The following PDE8B variants were observed in gnomAD, a reference collection of about 807,000 sequenced individuals.
PDE8B encodes phosphodiesterase 8B.
PDE8B carries 26 observed loss-of-function variants against 101.3 expected under a neutral mutation model. The observed-to-expected ratio is 0.26, with a 90% CI of 0.19 to 0.36. PDE8B has a LOEUF of 0.36. Ranked by LOEUF, PDE8B falls within the 10% of genes least tolerant of loss-of-function variation. The pLI, the probability that PDE8B is intolerant of heterozygous loss-of-function variation, is 1.00. For missense variants in PDE8B, 810 were observed against 1,163.1 expected (o/e 0.70, Z 4.42); for synonymous variants, 424 against 429.3 (o/e 0.99, Z 0.15).
At chr5:77,421,514 C>T (rs1796626629) in intron 19 of PDE8B, among the ~76,000 whole-genome samples, 1 of 152,058 alleles carries the variant, frequency 6.6e-6, no homozygotes, top group Non-Finnish European at 1.5e-5. Flanking sequence ...AACAAAACTG[C>T]TGTAGCAGTT....
At chr5:77,275,324 T>C (rs1039451444) in intron 1 of PDE8B, among the ~76,000 whole-genome samples, 5 of 152,376 alleles carry the variant, frequency 3.3e-5, no homozygotes, top group African/African-American at 1.2e-4. Flanking sequence ...TTGTTACTCA[T>C]AGTGACAAAT....
At chr5:77,258,706 C>T (rs937756935) in intron 1 of PDE8B, among the ~76,000 whole-genome samples, 2 of 152,140 alleles carry the variant, frequency 1.3e-5, no homozygotes, top group Non-Finnish European at 2.9e-5. Context: ...GTCTTATTTT[C>T]AGTTATTAAA....
At chr5:77,399,597 A>T (rs1791815738) in intron 10 of PDE8B, among the ~76,000 whole-genome samples, 1 of 152,224 alleles carries the variant, frequency 6.6e-6, no homozygotes. Context: ...GAAATGCAGG[A>T]TCCCAAAGAA....
the PDE8B span, among the ~76,000 whole-genome samples, chr5:77,194,411 A>G: frequency 6.6e-6 from 1 of 152,236 alleles, no homozygotes; most frequent in Non-Finnish European, 1.5e-5. Flanking sequence ...GGTGAATCAC[A>G]TTGACTTTTT....
In PDE8B at chr5:77,351,172, A is replaced by G. The variant is rs373548789; in HGVS notation, c.1106+19A>G. On this transcript the variant is annotated intron_variant, in intron 9 of 21. Coordinates refer to ENST00000264917, the MANE Select transcript of PDE8B (RefSeq NM_003719.5). ...AAGGAGGGTGAGAGCAAACTGTTCA[A>G]CTCTTTTAGCTGAAGATAAAGACTC... is the stretch of plus-strand genomic sequence containing the variant. 24 of 1,574,094 alleles carry G rather than the reference A, an allele frequency of 1.5e-5. No homozygotes were observed. The highest frequency in any genetic ancestry group is 2.1e-5 in the Non-Finnish European group (24 of 1,143,860).
the PDE8B span, among the ~76,000 whole-genome samples, chr5:77,093,737 C>T: frequency 6.6e-6 from 1 of 152,090 alleles, no homozygotes; most frequent in Non-Finnish European, 1.5e-5. Flanking sequence ...ACTTCATTAT[C>T]AGATTTAGTG....
intron 10 of PDE8B, among the ~76,000 whole-genome samples, chr5:77,387,160 C>T (rs1443303902): frequency 1.3e-5 from 2 of 151,968 alleles, no homozygotes; most frequent in South Asian, 2.1e-4. Context: ...TTTATAGTGT[C>T]GATGGTCTTT....
intron 10 of PDE8B, among the ~76,000 whole-genome samples, chr5:77,358,229 A>G (rs1472765864): frequency 6.6e-6 from 1 of 152,212 alleles, no homozygotes; most frequent in African/African-American, 2.4e-5. Context: ...TAGTGATAAA[A>G]ACAAAATTTC....
At chr5:77,159,784 G>C in the PDE8B span, among the ~76,000 whole-genome samples, 1 of 152,166 alleles carries the variant, frequency 6.6e-6, no homozygotes, top group Non-Finnish European at 1.5e-5. Flanking sequence ...TCAGGATTTA[G>C]CCTGGAGCCT....
chr5:77,099,610 C>CT, the PDE8B span, among the ~76,000 whole-genome samples: 114 of 146,924 alleles, frequency 7.8e-4, 1 homozygote, highest in African/African-American at 1.1e-3. Context: ...CTTTTCTTTT[C>CT]TTTTTTTTTT....
intron 17 of PDE8B, among the ~76,000 whole-genome samples, chr5:77,416,997 C>G (rs1290512162): frequency 4.6e-5 from 7 of 152,062 alleles, no homozygotes; most frequent in African/African-American, 1.4e-4. Flanking sequence ...TGGAATTGCC[C>G]TCTTGCTGCT....
At chr5:77,245,355 T>G (rs1756637060) in intron 1 of PDE8B, among the ~76,000 whole-genome samples, 2 of 152,208 alleles carry the variant, frequency 1.3e-5, no homozygotes, top group South Asian at 4.1e-4. Flanking sequence ...AAGAGTACAT[T>G]GAAACCAAAT....
chr5:77,223,586 T>C (rs1300151892), intron 1 of PDE8B, among the ~76,000 whole-genome samples: 3 of 152,088 alleles, frequency 2.0e-5, no homozygotes, highest in East Asian at 1.9e-4. Context: ...AATTTGACAT[T>C]GTAACTTGAC....
At chr5:77,118,854 G>A in the PDE8B span, 1 of 152,872 alleles carries the variant, frequency 6.5e-6, no homozygotes, top group Non-Finnish European at 1.5e-5. Context: ...TGGGGATGAG[G>A]TTAGGGGTGG....
chr5:77,170,332 G>A, the PDE8B span, among the ~76,000 whole-genome samples: 59 of 152,254 alleles, frequency 3.9e-4, no homozygotes, highest in African/African-American at 1.4e-3. Context: ...AACAAGACTG[G>A]GTCCCTTCTC....
At chr5:77,161,970 T>C in the PDE8B span, among the ~76,000 whole-genome samples, 1 of 151,860 alleles carries the variant, frequency 6.6e-6, no homozygotes, top group Admixed American at 6.6e-5. Flanking sequence ...TTTTTTTCTT[T>C]TTTTTTTAGT....
At chr5:77,173,596 C>G in the PDE8B span, among the ~76,000 whole-genome samples, 37 of 151,620 alleles carry the variant, frequency 2.4e-4, no homozygotes, top group Non-Finnish European at 4.0e-4. Context: ...AATGGAAGGG[C>G]GAATATTTCC....
chr5:77,344,950 T>A lies in PDE8B; in HGVS notation c.876+19T>A. 6.6e-7 allele frequency: 1 copy of A among 1,522,840 alleles called. No individual in the cohort carries two copies. The highest frequency in any genetic ancestry group is 9.1e-7 in the Non-Finnish European group (1 of 1,096,736). 94.3% of individuals were successfully genotyped at this position (1,522,840 alleles called of 1,614,324 possible). A position where few individuals can be genotyped will look rare whatever the true frequency, so the allele number is the denominator to read the frequency against. On this transcript the variant is annotated intron_variant, in intron 7 of 21. Coordinates refer to ENST00000264917, the MANE Select transcript of PDE8B (RefSeq NM_003719.5). ...GATTCAGGTATGGAAAGAAACCACC[T>A]CTATCATTAACATTCAAAATGAACC...
chr5:77,317,485 G>T lies in PDE8B; in HGVS notation c.399+5432G>T, dbSNP rs531689163. ...TAGGGCTCCACACACCCCACACAGA[G>T]CTGGCAGGAGCACAGTTAGGAGTGG... On this transcript the variant is annotated intron_variant, in intron 2 of 21. Coordinates refer to ENST00000264917, the MANE Select transcript of PDE8B (RefSeq NM_003719.5). Among the ~76,000 whole-genome samples the T allele has an allele frequency of 2.2e-3, 335 of 152,312 alleles. 4 individuals carry two copies. Among genetic ancestry groups the T allele is most frequent in the African/African-American group, 7.8e-3 (325 of 41,572 alleles).
Sources: gnomAD v4.1 joint callset for allele counts (sites outside exome capture counted in the v4.1 genomes callset) on GRCh38, gnomAD v4.1.1 for gene constraint, MANE v1.5 for transcripts, NCBI Gene and HGNC (gene_info 2026-07-23, HGNC 2026-07-21) for gene names.